YTHDF2: variants seen among roughly 807,000 people sequenced by gnomAD.
The protein encoded by YTHDF2 is YTH N6-methyladenosine RNA binding protein F2.
In YTHDF2, 2 loss-of-function variants were observed where a neutral mutation model predicts 50.4. The observed-to-expected ratio is 0.04, with a 90% CI of 0.02 to 0.12. YTHDF2 has a LOEUF of 0.12. Ranked by LOEUF, YTHDF2 falls within the 10% of genes least tolerant of loss-of-function variation. YTHDF2 has a pLI of 1.00. For missense variants in YTHDF2, 483 were observed against 722.6 expected (o/e 0.67, Z 3.80); for synonymous variants, 217 against 255.6 (o/e 0.85, Z 1.44).
At chr1:28,737,586 C>CTTAA (rs915524621) in intron 1 of YTHDF2, 72 bp from the exon 2 acceptor site, 4 of 1,607,356 alleles carry the variant, frequency 2.5e-6, no homozygotes, top group Non-Finnish European at 3.4e-6. Flanking sequence ...CGGGCCCTGC[C>CTTAA]TTAATTTGTT....
intron 4 of YTHDF2, among the ~76,000 whole-genome samples, chr1:28,762,512 A>G (rs1467016165): frequency 1.3e-5 from 2 of 152,232 alleles, no homozygotes; most frequent in Non-Finnish European, 2.9e-5. Flanking sequence ...AGGAAAAACT[A>G]GTTGAGAGCT....
intron 4 of YTHDF2, among the ~76,000 whole-genome samples, chr1:28,765,604 A>G (rs1003862547): frequency 6.6e-6 from 1 of 151,784 alleles, no homozygotes; most frequent in Non-Finnish European, 1.5e-5. Context: ...ACACCCAGCT[A>G]AGTTAAATTT....
intron 4 of YTHDF2, among the ~76,000 whole-genome samples, chr1:28,764,532 C>CA (rs2088188452): frequency 2.0e-5 from 3 of 152,048 alleles, no homozygotes; most frequent in African/African-American, 4.8e-5. Flanking sequence ...CTCGGCCTCT[C>CA]AAAGTGCTGG....
intron 4 of YTHDF2, among the ~76,000 whole-genome samples, chr1:28,763,488 C>G (rs568766327): frequency 3.5e-4 from 54 of 152,170 alleles, no homozygotes; most frequent in Non-Finnish European, 6.9e-4. Context: ...TGGAATCTCC[C>G]TCTGTTGCTC....
At chr1:28,767,965 G>A (rs1315066311) in intron 4 of YTHDF2, among the ~76,000 whole-genome samples, 1 of 151,384 alleles carries the variant, frequency 6.6e-6, no homozygotes, top group Non-Finnish European at 1.5e-5. Context: ...CACTTTGGGA[G>A]GCTGAGTCGA....
At chr1:28,740,515 T>C (rs1230994040) in intron 3 of YTHDF2, 1 of 152,146 alleles carries the variant, frequency 6.6e-6, no homozygotes, top group Non-Finnish European at 1.5e-5. Flanking sequence ...GAGTAAGTCA[T>C]CTACTTTTTA....
At chr1:28,763,952 A>AT (rs1461648769) in intron 4 of YTHDF2, among the ~76,000 whole-genome samples, 6 of 88,110 alleles carry the variant, frequency 6.8e-5, no homozygotes, top group African/African-American at 1.1e-4. Context: ...AAATTTATTT[A>AT]TTTTATTTTT....
chr1:28,738,456 T>G, intron 3 of YTHDF2, 118 bp downstream of exon 3: 2 of 974,658 alleles, frequency 2.1e-6, no homozygotes, highest in Non-Finnish European at 3.1e-6. Flanking sequence ...CTGTTTTCTG[T>G]TTTTTTGAGA....
chr1:28,737,416 T>G, intron 1 of YTHDF2: 1 of 633,632 alleles, frequency 1.6e-6, no homozygotes, highest in Non-Finnish European at 2.6e-6. Flanking sequence ...TTCCTTCCCC[T>G]TCCTTAAAGC....
intron 4 of YTHDF2, among the ~76,000 whole-genome samples, chr1:28,758,241 C>T (rs964043327): frequency 1.4e-4 from 21 of 152,008 alleles, no homozygotes; most frequent in Non-Finnish European, 5.9e-5. Context: ...TGGCGTGCAC[C>T]TGTGGTCCTA....
At chr1:28,737,576 C>T in intron 1 of YTHDF2, 82 bp from the exon 2 acceptor site, 9 of 1,593,568 alleles carry the variant, frequency 5.6e-6, no homozygotes, top group Non-Finnish European at 7.7e-6. Context: ...ATTCTCCCTT[C>T]GGGCCCTGCC....
intron 4 of YTHDF2, among the ~76,000 whole-genome samples, chr1:28,766,326 A>G (rs1298831238): frequency 6.6e-6 from 1 of 152,190 alleles, no homozygotes; most frequent in Non-Finnish European, 1.5e-5. Flanking sequence ...CAGGTTGCCC[A>G]GGCTGGTCTT....
Position 28,737,094 on chromosome 1 carries a change from G to T in YTHDF2, c.-27G>T. ...GCCGCGCTGAGGAGAGTTCGCCGCC[G>T]TCGCCGCCCGTGAGGATCTGAGAGC... On this transcript the variant is annotated 5_prime_UTR_variant, in exon 1 of 5. Coordinates refer to ENST00000373812, the MANE Select transcript of YTHDF2 (RefSeq NM_016258.3). 1 of 1,589,666 alleles carries T rather than the reference G, an allele frequency of 6.3e-7. No homozygotes were observed. The highest frequency in any genetic ancestry group is 8.5e-7 in the Non-Finnish European group (1 of 1,170,122).
rs150706840 is a variant in YTHDF2 at position 28,744,218 on chromosome 1, G to T, written c.1716+232G>T. On this transcript the variant is annotated intron_variant, in intron 4 of 4. Transcript: ENST00000373812. ...GGACTTTGAAAGGAAAGCAAAAACAGTACAAGGAAATCAGACAGAAACAGT... is the reference window on the plus strand; with the variant it reads ...GGACTTTGAAAGGAAAGCAAAAACATTACAAGGAAATCAGACAGAAACAGT... 1.2e-4 allele frequency among the ~76,000 whole-genome samples: 19 copies of T among 152,282 alleles called. No individual in the cohort carries two copies. The East Asian group carries it at 3.3e-3, about 26-fold the overall frequency.
intron 4 of YTHDF2, among the ~76,000 whole-genome samples, chr1:28,760,822 C>T (rs553245062): frequency 2.6e-5 from 4 of 152,238 alleles, no homozygotes; most frequent in East Asian, 1.9e-4. Flanking sequence ...TCAGGTGATC[C>T]GCCTGCCTCT....
chr1:28,755,693 AAG>A (rs1275952979), intron 4 of YTHDF2, among the ~76,000 whole-genome samples: 3 of 152,188 alleles, frequency 2.0e-5, no homozygotes, highest in Non-Finnish European at 4.4e-5. Flanking sequence ...GAGTTTCAGA[AAG>A]AGAACAAGGA....
intron 4 of YTHDF2, among the ~76,000 whole-genome samples, chr1:28,755,259 A>G (rs2088019619): frequency 6.6e-6 from 1 of 152,150 alleles, no homozygotes; most frequent in African/African-American, 2.4e-5. Flanking sequence ...GGGAATCTGG[A>G]GCTCAGATTG....
chr1:28,759,678 G>C (rs566349273), intron 4 of YTHDF2, among the ~76,000 whole-genome samples: 242 of 152,318 alleles, frequency 1.6e-3, no homozygotes, highest in Non-Finnish European at 2.7e-3. Flanking sequence ...TAAGGGGACT[G>C]GGTACGGTGG....
At chr1:28,749,459 C>T (rs994840190) in intron 4 of YTHDF2, among the ~76,000 whole-genome samples, 18 of 152,210 alleles carry the variant, frequency 1.2e-4, no homozygotes, top group African/African-American at 3.6e-4. Context: ...GGATTACAGG[C>T]GTGAGCCACC....
Sources: gnomAD v4.1 joint callset for allele counts (sites outside exome capture counted in the v4.1 genomes callset) on GRCh38, gnomAD v4.1.1 for gene constraint, MANE v1.5 for transcripts, NCBI Gene and HGNC (gene_info 2026-07-23, HGNC 2026-07-21) for gene names.